TULP4: variants seen among roughly 807,000 people sequenced by gnomAD.
TULP4 encodes the protein tubby-related protein 4.
In TULP4, 16 loss-of-function variants were observed where a neutral mutation model predicts 129.0. The observed-to-expected ratio is 0.12, with a 90% CI of 0.08 to 0.19. TULP4 has a LOEUF of 0.19. TULP4 is among the 10% of genes least tolerant of loss of function. The probability of loss-of-function intolerance (pLI) is 1.00; values close to 1 mark genes in which losing one functional copy is unlikely to be tolerated. For missense variants in TULP4, 1,842 were observed against 2,059.1 expected (o/e 0.89, Z 2.04); for synonymous variants, 998 against 854.0 (o/e 1.17, Z -2.94).
chr6:158,388,322 C>CT (rs10650311), intron 1 of TULP4, among the ~76,000 whole-genome samples: 1,019 of 86,226 alleles, frequency 0.012, 121 homozygotes, highest in East Asian at 0.03. Context: ...GCTCGTTTTT[C>CT]TTTTTTTTTT....
At chr6:158,319,135 G>A (rs756643515) in intron 1 of TULP4, among the ~76,000 whole-genome samples, 1 of 152,082 alleles carries the variant, frequency 6.6e-6, no homozygotes, top group Admixed American at 6.5e-5. Flanking sequence ...ATGTGAAGCC[G>A]CTGGTTGTTG....
In TULP4 at chr6:158,413,527, C is replaced by G. The variant is rs891009473; in HGVS notation, c.381+334C>G. 2.0e-5 allele frequency among the ~76,000 whole-genome samples: 3 copies of G among 152,152 alleles called. No homozygotes were observed. The East Asian group carries it at 5.8e-4, about 29-fold the overall frequency. On this transcript the variant is annotated intron_variant, in intron 2 of 13. Transcript: ENST00000367097. This position sits in a 1 kb window ranked among gnomAD's most constrained non-coding sequence, Gnocchi z 4.9. ...CCTCTGGCATATCACTGTTTTGCCC[C>G]CTTCGAAAGGTATCTTCCCTGTGTT... is the stretch of plus-strand genomic sequence containing the variant.
At chr6:158,252,771 T>G (rs769850968) in intron 1 of TULP4, among the ~76,000 whole-genome samples, 78 of 152,166 alleles carry the variant, frequency 5.1e-4, no homozygotes, top group Non-Finnish European at 8.5e-4. Context: ...TTTTGCCAGT[T>G]TTTTCTTTTT....
chr6:158,363,435 CTGCCTAT>C (rs1401288253), intron 1 of TULP4, among the ~76,000 whole-genome samples: 5 of 152,036 alleles, frequency 3.3e-5, no homozygotes, highest in Non-Finnish European at 5.9e-5. Context: ...TGTCATTTTG[CTGCCTAT>C]TTCCATGTAA....
At chr6:158,474,994 T>C (rs1779785753) in intron 6 of TULP4, among the ~76,000 whole-genome samples, 1 of 152,266 alleles carries the variant, frequency 6.6e-6, no homozygotes, top group Non-Finnish European at 1.5e-5. Flanking sequence ...ATAACTAGCA[T>C]GGATCTGTCC....
At chr6:158,319,297 T>C (rs1353806085) in intron 1 of TULP4, among the ~76,000 whole-genome samples, 1 of 152,198 alleles carries the variant, frequency 6.6e-6, no homozygotes, top group African/African-American at 2.4e-5. Context: ...TCTCTAAGGA[T>C]TCTCAATCAG....
At chr6:158,379,373 A>T (rs1777273027) in intron 1 of TULP4, among the ~76,000 whole-genome samples, 1 of 152,192 alleles carries the variant, frequency 6.6e-6, no homozygotes, top group South Asian at 2.1e-4. Context: ...AGAAAGAAGC[A>T]CTAAACGCTA....
intron 1 of TULP4, among the ~76,000 whole-genome samples, chr6:158,298,677 C>T (rs561301387): frequency 8.5e-5 from 13 of 152,170 alleles, no homozygotes; most frequent in Admixed American, 5.2e-4. Context: ...TTTGATTGTT[C>T]GTCCAAATTT....
intron 1 of TULP4, among the ~76,000 whole-genome samples, chr6:158,260,027 GT>G (rs1263218564): frequency 6.6e-6 from 1 of 152,212 alleles, no homozygotes; most frequent in Admixed American, 6.5e-5. Flanking sequence ...CGTTGGTCAT[GT>G]GATTGAGCTC....
Position 158,368,154 on chromosome 6 carries a change from CTG to C in TULP4, c.253-44908_253-44907del, listed in dbSNP as rs548513429. On this transcript the variant is annotated intron_variant, in intron 1 of 13. Transcript: ENST00000367097. ...TTTGAGCTTTCCGTAAATTTTCTTTCTGTGATTCCTCTTGATTGGTTTGTCTG... is the reference window on the plus strand; with the variant it reads ...TTTGAGCTTTCCGTAAATTTTCTTTCTGATTCCTCTTGATTGGTTTGTCTG... Among the ~76,000 whole-genome samples the C allele has an allele frequency of 1.2e-3, 173 of 147,062 alleles. 1 individual carries two copies. Among genetic ancestry groups the C allele is most frequent in the South Asian group, 2.4e-3 (11 of 4,592 alleles).
intron 8 of TULP4, among the ~76,000 whole-genome samples, chr6:158,486,814 A>G (rs142563428): frequency 3.9e-5 from 6 of 152,328 alleles, no homozygotes; most frequent in African/African-American, 4.8e-5. Flanking sequence ...TTTTAAAAAT[A>G]TATCTAATTC....
chr6:158,364,641 CT>C (rs1780881719), intron 1 of TULP4, among the ~76,000 whole-genome samples: 1 of 152,160 alleles, frequency 6.6e-6, no homozygotes, highest in Non-Finnish European at 1.5e-5. Flanking sequence ...TTATCATTCC[CT>C]TTTAACTGTT....
intron 1 of TULP4, among the ~76,000 whole-genome samples, chr6:158,249,851 GA>G (rs1436857443): frequency 1.3e-5 from 2 of 152,188 alleles, no homozygotes; most frequent in Non-Finnish European, 2.9e-5. Context: ...AAAATGCCTT[GA>G]AAAATTTTGT....
chr6:158,271,435 A>AT (rs11353069), intron 1 of TULP4, among the ~76,000 whole-genome samples: 34,651 of 143,246 alleles, frequency 0.24, 4,281 homozygotes, highest in Middle Eastern at 0.34. Flanking sequence ...CCATTTTAGA[A>AT]TTTTTTTTTT....
intron 1 of TULP4, among the ~76,000 whole-genome samples, chr6:158,305,944 TAGAA>T (rs1190707356): frequency 1.3e-5 from 2 of 152,128 alleles, no homozygotes; most frequent in Non-Finnish European, 1.5e-5. Context: ...TGAGAAAAGG[TAGAA>T]AGAAAGGAAG....
chr6:158,295,618 G>A (rs973767848), intron 1 of TULP4, among the ~76,000 whole-genome samples: 27 of 152,050 alleles, frequency 1.8e-4, no homozygotes, highest in Non-Finnish European at 3.2e-4. Context: ...GGCCAGGCAT[G>A]GTGGCTTTCG....
intron 6 of TULP4, among the ~76,000 whole-genome samples, chr6:158,477,946 G>T (rs918849333): frequency 6.6e-6 from 1 of 152,116 alleles, no homozygotes. Flanking sequence ...ACAAGATCAT[G>T]TCCTTTACAG....
At chr6:158,362,565 G>A (rs1780819929) in intron 1 of TULP4, among the ~76,000 whole-genome samples, 1 of 152,082 alleles carries the variant, frequency 6.6e-6, no homozygotes, top group Admixed American at 6.5e-5. Context: ...GTCCAGGCTG[G>A]TCTGGAACTC....
chr6:158,345,594 G>C (rs1268613081), intron 1 of TULP4, among the ~76,000 whole-genome samples: 3 of 152,214 alleles, frequency 2.0e-5, no homozygotes, highest in African/African-American at 7.2e-5. Context: ...AGGGGAGTGG[G>C]TGTAAGAACA....
Sources: gnomAD v4.1 joint callset for allele counts (sites outside exome capture counted in the v4.1 genomes callset) on GRCh38, gnomAD v4.1.1 for gene constraint, Gnocchi (gnomAD v3.1) non-coding constraint, MANE v1.5 for transcripts, NCBI Gene and HGNC (gene_info 2026-07-23, HGNC 2026-07-21) for gene names.